KHDRBS2: variants seen among roughly 807,000 people sequenced by gnomAD.
KHDRBS2 encodes the protein KH RNA binding domain containing, signal transduction associated 2, also known as KH domain-containing, RNA-binding, signal transduction-associated protein 2.
KHDRBS2 carries 26 observed loss-of-function variants against 44.3 expected under a neutral mutation model. The observed-to-expected ratio is 0.59, with a 90% CI of 0.43 to 0.81. The LOEUF is 0.81. KHDRBS2 is among the 40% of genes least tolerant of loss of function. The probability of loss-of-function intolerance (pLI) is 0.00; values close to 1 mark genes in which losing one functional copy is unlikely to be tolerated. For missense variants in KHDRBS2, 476 were observed against 433.1 expected (o/e 1.10, Z -0.88); for synonymous variants, 194 against 151.1 (o/e 1.28, Z -2.08).
intron 7 of KHDRBS2, 41 bp downstream of exon 7, chr6:61,732,641 G>A: frequency 1.8e-6 from 2 of 1,138,962 alleles, no homozygotes; most frequent in African/African-American, 1.5e-5. Flanking sequence ...ATTGATTAGA[G>A]ATAATCCTGA....
At chr6:61,987,291 T>C (rs1775226183) in intron 3 of KHDRBS2, among the ~76,000 whole-genome samples, 1 of 152,182 alleles carries the variant, frequency 6.6e-6, no homozygotes, top group Non-Finnish European at 1.5e-5. Flanking sequence ...AAATTATATA[T>C]GAACCAAAAG....
intron 4 of KHDRBS2, among the ~76,000 whole-genome samples, chr6:61,919,227 C>G (rs920985520): frequency 2.6e-5 from 4 of 151,864 alleles, no homozygotes; most frequent in African/African-American, 9.6e-5. Flanking sequence ...AAATACACAG[C>G]AGAATGGGTT....
At chr6:62,183,500 C>T (rs1049961618) in intron 1 of KHDRBS2, among the ~76,000 whole-genome samples, 4 of 151,204 alleles carry the variant, frequency 2.6e-5, no homozygotes, top group Admixed American at 2.0e-4. Flanking sequence ...ACATGGTCTT[C>T]CAGATATTTA....
At chr6:62,235,492 A>C (rs1410081476) in intron 1 of KHDRBS2, among the ~76,000 whole-genome samples, 1 of 151,990 alleles carries the variant, frequency 6.6e-6, no homozygotes, top group Admixed American at 6.6e-5. Context: ...TTTTAATTTT[A>C]TCTTCTGGAC....
chr6:61,971,756 TTC>T (rs1771473208), intron 4 of KHDRBS2, among the ~76,000 whole-genome samples: 1 of 152,142 alleles, frequency 6.6e-6, no homozygotes, highest in Admixed American at 6.6e-5. Flanking sequence ...GAATATCACT[TTC>T]TGTTTGATCA....
chr6:61,875,049 G>C (rs1799218619), intron 6 of KHDRBS2, among the ~76,000 whole-genome samples: 1 of 152,012 alleles, frequency 6.6e-6, no homozygotes, highest in Non-Finnish European at 1.5e-5. Context: ...TACATTAAAG[G>C]CTGACTGGAC....
At chr6:61,975,653 GCACA>G (rs567222441) in intron 4 of KHDRBS2, among the ~76,000 whole-genome samples, 46 of 88,394 alleles carry the variant, frequency 5.2e-4, no homozygotes, top group South Asian at 1.7e-3. Context: ...TAAGCAAGAT[GCACA>G]CACACACACA....
chr6:61,645,698 T>C, the KHDRBS2 span, among the ~76,000 whole-genome samples: 1 of 152,162 alleles, frequency 6.6e-6, no homozygotes. Context: ...GTTGGTCAGA[T>C]ACATCTCTGA....
intron 6 of KHDRBS2, among the ~76,000 whole-genome samples, chr6:61,738,933 A>G (rs1350504922): frequency 6.6e-6 from 1 of 151,894 alleles, no homozygotes; most frequent in Non-Finnish European, 1.5e-5. Context: ...AACATAAGAG[A>G]AGATTCAGAC....
In KHDRBS2 at chr6:62,069,181, C is replaced by G. The variant is rs566714997; in HGVS notation, c.220-21187G>C. ...CTCAATGACTTAACCACTAAGCCTACTGTTGACTGGAAGCCTTACCAATAA... is the reference window on the plus strand; with the variant it reads ...CTCAATGACTTAACCACTAAGCCTAGTGTTGACTGGAAGCCTTACCAATAA... On this transcript the variant is annotated intron_variant, in intron 2 of 8. Transcript: ENST00000281156. Among the ~76,000 whole-genome samples, 4 of 151,762 alleles carry G rather than the reference C, an allele frequency of 2.6e-5. No homozygotes were observed. The South Asian group carries it at 8.3e-4, about 31-fold the overall frequency.
chr6:61,955,459 CATATGTGTATATAT>C lies in KHDRBS2; in HGVS notation c.483+22593_483+22606del, dbSNP rs1766732239. On this transcript the variant is annotated intron_variant, in intron 4 of 8. Transcript: ENST00000281156. Reference sequence around the variant, plus strand: ...GTATGTATACATATGTGTATATATACATATGTGTATATATACACATATGTATGTATGTATACATG... The same window carrying C: ...GTATGTATACATATGTGTATATATACACACATATGTATGTATGTATACATG... 5.4e-4 allele frequency among the ~76,000 whole-genome samples: 61 copies of C among 112,146 alleles called. 1 individual carries two copies. Among genetic ancestry groups the C allele is most frequent in the African/African-American group, 2.1e-3 (58 of 27,074 alleles). The allele number at this position is 112,146 out of a possible 152,430, so 73.6% of individuals were successfully genotyped here. A position where few individuals can be genotyped will look rare whatever the true frequency, so the allele number is the denominator to read the frequency against.
At chr6:61,705,811 T>C (rs777914121) in intron 7 of KHDRBS2, among the ~76,000 whole-genome samples, 3 of 151,772 alleles carry the variant, frequency 2.0e-5, no homozygotes, top group Non-Finnish European at 2.9e-5. Flanking sequence ...CTTTCAATTT[T>C]TTCCTCCTCT....
chr6:61,945,111 AAGTATATATAT>A lies in KHDRBS2; in HGVS notation c.483+32944_483+32954del, dbSNP rs1331674995. Among the ~76,000 whole-genome samples the A allele has an allele frequency of 1.3e-3, 49 of 37,774 alleles. 5 individuals carry two copies. The highest frequency in any genetic ancestry group is 0.01 in the East Asian group (12 of 1,190). 24.8% of individuals were successfully genotyped at this position (37,774 alleles called of 152,430 possible). The stretch of plus-strand genomic sequence containing the variant: ...GTCTTAAAAAAAAAAAAAAAAAAAA[AAGTATATATAT>A]ATATATATATATATATATATATATA... On this transcript the variant is annotated intron_variant, in intron 4 of 8. Coordinates refer to ENST00000281156, the MANE Select transcript of KHDRBS2 (RefSeq NM_152688.4).
the KHDRBS2 span, among the ~76,000 whole-genome samples, chr6:61,624,052 A>G: frequency 6.6e-5 from 10 of 152,250 alleles, no homozygotes; most frequent in African/African-American, 2.4e-4. Flanking sequence ...AGAACATTAA[A>G]GACAAGGAGG....
chr6:61,889,640 T>A (rs1801510626), intron 6 of KHDRBS2, among the ~76,000 whole-genome samples: 1 of 152,166 alleles, frequency 6.6e-6, no homozygotes, highest in South Asian at 2.1e-4. Flanking sequence ...AGTCTCCTTG[T>A]TTCCACTTTT....
the KHDRBS2 span, among the ~76,000 whole-genome samples, chr6:61,639,552 T>G: frequency 1.3e-5 from 2 of 152,064 alleles, no homozygotes; most frequent in African/African-American, 4.8e-5. Flanking sequence ...CCACCCCTCA[T>G]CTTCCAAACC....
intron 3 of KHDRBS2, among the ~76,000 whole-genome samples, chr6:62,023,709 T>A (rs1782753067): frequency 1.3e-5 from 2 of 151,470 alleles, no homozygotes; most frequent in Non-Finnish European, 3.0e-5. Context: ...ACACTTTGCA[T>A]CATCATGTGA....
chr6:61,864,990 G>A (rs1265370103), intron 6 of KHDRBS2, among the ~76,000 whole-genome samples: 1 of 151,838 alleles, frequency 6.6e-6, no homozygotes, highest in East Asian at 1.9e-4. Context: ...CTTTTTAACT[G>A]TTCTTTTCTG....
intron 2 of KHDRBS2, among the ~76,000 whole-genome samples, chr6:62,136,814 T>A (rs1057214759): frequency 2.0e-5 from 3 of 152,046 alleles, no homozygotes; most frequent in Admixed American, 2.0e-4. Flanking sequence ...TCCATACTTT[T>A]CCCTGAAGCA....
Sources: gnomAD v4.1 joint callset for allele counts (sites outside exome capture counted in the v4.1 genomes callset) on GRCh38, gnomAD v4.1.1 for gene constraint, MANE v1.5 for transcripts, NCBI Gene and HGNC (gene_info 2026-07-23, HGNC 2026-07-21) for gene names.